Variants in RPS6KC1 observed in about 807,000 individuals in gnomAD.
RPS6KC1 encodes ribosomal protein S6 kinase C1.
In RPS6KC1, 54 loss-of-function variants were observed where a neutral mutation model predicts 103.8. The ratio of observed to expected loss-of-function variants is 0.52; its 90% CI spans 0.42 to 0.65. RPS6KC1 has a LOEUF of 0.65. Ranked by LOEUF, RPS6KC1 falls within the 30% of genes least tolerant of loss-of-function variation. The pLI, the probability that RPS6KC1 is intolerant of heterozygous loss-of-function variation, is 0.00. For synonymous variants in RPS6KC1, 439 were observed against 438.7 expected (o/e 1.00, Z -0.01); for missense variants, 1,151 against 1,253.8 (o/e 0.92, Z 1.24).
chr1:213,538,448 A>T, the RPS6KC1 span, among the ~76,000 whole-genome samples: 11 of 152,160 alleles, frequency 7.2e-5, no homozygotes, highest in African/African-American at 2.7e-4. Flanking sequence ...ACCTATGCCG[A>T]GGGAGCAGTG....
chr1:213,404,768 C>T, the RPS6KC1 span, among the ~76,000 whole-genome samples: 1 of 152,218 alleles, frequency 6.6e-6, no homozygotes, highest in Non-Finnish European at 1.5e-5. Context: ...AAGATGGCAC[C>T]CACGGCCTCC....
chr1:213,812,375 A>G, the RPS6KC1 span, among the ~76,000 whole-genome samples: 42,308 of 152,094 alleles, frequency 0.28, 9,620 homozygotes, highest in African/African-American at 0.61. Flanking sequence ...CTATTACTGA[A>G]CTTCAGGGTT....
chr1:213,709,428 A>T, the RPS6KC1 span, among the ~76,000 whole-genome samples: 1 of 151,672 alleles, frequency 6.6e-6, no homozygotes, highest in Non-Finnish European at 1.5e-5. Context: ...TGTCTATTTG[A>T]TTCTTCTCTC....
intron 8 of RPS6KC1, among the ~76,000 whole-genome samples, chr1:213,202,854 T>C (rs2093215726): frequency 6.6e-6 from 1 of 152,220 alleles, no homozygotes; most frequent in African/African-American, 2.4e-5. Flanking sequence ...ATGGGAAACA[T>C]ATAACATTAT....
intron 1 of RPS6KC1, among the ~76,000 whole-genome samples, chr1:213,062,789 G>T: frequency 6.6e-6 from 1 of 152,132 alleles, no homozygotes; most frequent in East Asian, 1.9e-4. Flanking sequence ...TCTTGACCTT[G>T]TGATCCGCCA....
chr1:213,060,574 T>G (rs1249010998), intron 1 of RPS6KC1, among the ~76,000 whole-genome samples: 1 of 152,202 alleles, frequency 6.6e-6, no homozygotes, highest in South Asian at 2.1e-4. Context: ...TTTCAGTAAA[T>G]GGAACTTAAA....
the RPS6KC1 span, among the ~76,000 whole-genome samples, chr1:213,800,883 T>C: frequency 7.9e-5 from 12 of 152,346 alleles, no homozygotes; most frequent in Admixed American, 7.8e-4. Context: ...TTGAGCTATT[T>C]CTTTCCACAC....
chr1:213,149,592 T>C (rs1208833113), intron 6 of RPS6KC1, among the ~76,000 whole-genome samples: 1 of 152,236 alleles, frequency 6.6e-6, no homozygotes, highest in Non-Finnish European at 1.5e-5. Context: ...AAATGATCAA[T>C]GTAGTGAGGC....
At chr1:213,418,618 A>T in the RPS6KC1 span, among the ~76,000 whole-genome samples, 1 of 152,152 alleles carries the variant, frequency 6.6e-6, no homozygotes, top group East Asian at 1.9e-4. Flanking sequence ...TCACACATAG[A>T]TAGCACAGCA....
At chr1:213,125,024 T>TG (rs971230675) in intron 5 of RPS6KC1, among the ~76,000 whole-genome samples, 26 of 152,304 alleles carry the variant, frequency 1.7e-4, no homozygotes, top group Middle Eastern at 3.4e-3. Context: ...TCACAAATGA[T>TG]GCCTGTATAA....
chr1:213,343,389 GTGTATATA>G, the RPS6KC1 span, among the ~76,000 whole-genome samples: 103 of 65,860 alleles, frequency 1.6e-3, 2 homozygotes, highest in African/African-American at 7.4e-3. Flanking sequence ...TCAGTGTTGT[GTGTATATA>G]TATATATATA....
chr1:213,269,879 G>A (rs2095002238), intron 14 of RPS6KC1, among the ~76,000 whole-genome samples: 1 of 151,626 alleles, frequency 6.6e-6, no homozygotes, highest in Non-Finnish European at 1.5e-5. Flanking sequence ...GTGAGACCCT[G>A]TCTCTAAATT....
the RPS6KC1 span, among the ~76,000 whole-genome samples, chr1:213,716,821 A>G: frequency 6.6e-6 from 1 of 152,194 alleles, no homozygotes; most frequent in Admixed American, 6.5e-5. Context: ...GTGTTAACAG[A>G]TGCTTATTAA....
chr1:213,096,082 A>G (rs1248293106), intron 3 of RPS6KC1, among the ~76,000 whole-genome samples: 3 of 152,224 alleles, frequency 2.0e-5, no homozygotes, highest in Non-Finnish European at 4.4e-5. Flanking sequence ...CAGTCCTCTC[A>G]GATCCTGTGA....
the RPS6KC1 span, among the ~76,000 whole-genome samples, chr1:213,469,911 T>C: frequency 6.6e-6 from 1 of 152,158 alleles, no homozygotes; most frequent in Non-Finnish European, 1.5e-5. Context: ...TCCCAGCTAG[T>C]ACTCAGAAGG....
At chr1:213,843,825 C>T in the RPS6KC1 span, among the ~76,000 whole-genome samples, 2 of 151,968 alleles carry the variant, frequency 1.3e-5, no homozygotes, top group Non-Finnish European at 2.9e-5. Context: ...TTTTCTAACC[C>T]CTTCTGTTCT....
the RPS6KC1 span, among the ~76,000 whole-genome samples, chr1:213,295,458 A>G: frequency 6.6e-6 from 1 of 152,138 alleles, no homozygotes; most frequent in Non-Finnish European, 1.5e-5. Flanking sequence ...AGCTGCCAAG[A>G]TATCTTGTCA....
the RPS6KC1 span, among the ~76,000 whole-genome samples, chr1:213,671,681 G>C: frequency 6.6e-6 from 1 of 152,186 alleles, no homozygotes; most frequent in Non-Finnish European, 1.5e-5. Flanking sequence ...CTACTCGGAA[G>C]ACTAAGGCAG....
At chr1:213,745,418 C>T in the RPS6KC1 span, among the ~76,000 whole-genome samples, 1 of 120,722 alleles carries the variant, frequency 8.3e-6, no homozygotes, top group Non-Finnish European at 1.7e-5. Flanking sequence ...ACTACTGTGA[C>T]TTAAAAAAAA....
Sources: gnomAD v4.1 joint callset for allele counts (sites outside exome capture counted in the v4.1 genomes callset) on GRCh38, gnomAD v4.1.1 for gene constraint, MANE v1.5 for transcripts, NCBI Gene and HGNC (gene_info 2026-07-23, HGNC 2026-07-21) for gene names.